Variants in BANK1 observed in about 807,000 individuals in gnomAD.
BANK1 encodes the protein B-cell scaffold protein with ankyrin repeats.
BANK1 carries 95 observed loss-of-function variants against 94.5 expected under a neutral mutation model. The ratio of observed to expected loss-of-function variants is 1.00; its 90% CI spans 0.85 to 1.19. BANK1 has a LOEUF of 1.19. Ranked by LOEUF, BANK1 falls within the 50% of genes most tolerant of loss-of-function variation. BANK1 has a pLI of 0.00. For synonymous variants in BANK1, 334 were observed against 308.4 expected (o/e 1.08, Z -0.87); for missense variants, 987 against 932.2 (o/e 1.06, Z -0.77).
chr4:101,861,841 C>G (rs867489319), intron 3 of BANK1, among the ~76,000 whole-genome samples: 7 of 151,980 alleles, frequency 4.6e-5, no homozygotes, highest in African/African-American at 1.4e-4. Context: ...TCTTTCATTC[C>G]TAGTATTTTT....
chr4:101,914,290 T>A (rs1722757540), intron 6 of BANK1, among the ~76,000 whole-genome samples: 1 of 152,064 alleles, frequency 6.6e-6, no homozygotes, highest in Admixed American at 6.6e-5. Context: ...TAGACTTGAA[T>A]GGTCACAGTT....
chr4:101,816,373 G>A (rs546109881), intron 1 of BANK1, among the ~76,000 whole-genome samples: 2 of 152,126 alleles, frequency 1.3e-5, no homozygotes, highest in Non-Finnish European at 2.9e-5. Context: ...GTTCAATGTA[G>A]TTCCATCCAT....
chr4:101,975,758 T>C (rs1431248897), intron 7 of BANK1, among the ~76,000 whole-genome samples: 1 of 152,168 alleles, frequency 6.6e-6, no homozygotes, highest in Non-Finnish European at 1.5e-5. Flanking sequence ...CTGTTTCTGC[T>C]CTTTATCCTT....
intron 1 of BANK1, among the ~76,000 whole-genome samples, chr4:101,809,185 T>C (rs76643999): frequency 0.069 from 10,543 of 152,196 alleles, 1,176 homozygotes; most frequent in African/African-American, 0.24. Flanking sequence ...AATGAAATAA[T>C]GGCCTTTCCA....
In BANK1 at chr4:101,855,098, T is replaced by C; in HGVS notation, c.533T>C (p.Ile178Thr). 2 of 1,613,356 alleles carry C rather than the reference T, an allele frequency of 1.2e-6. No homozygotes were observed. Among genetic ancestry groups the C allele is most frequent in the Non-Finnish European group, 1.7e-6 (2 of 1,179,452 alleles). ...CTACGAGCAAAACATTCTGGGGAAATAAGTGAGAGAAAGGAAATTGAAGAA... is the reference window on the plus strand; with the variant it reads ...CTACGAGCAAAACATTCTGGGGAAACAAGTGAGAGAAAGGAAATTGAAGAA... ...TDLRAKHSGEISERKEIEELS... is the reference protein window; with the variant it reads ...TDLRAKHSGETSERKEIEELS... Residue 178 changes from isoleucine to threonine, a missense_variant, in exon 3 of 17, where the codon ATA becomes ACA. Ile to Thr is a moderately conservative substitution (Grantham distance 89, BLOSUM62 -1). Transcript: ENST00000322953.
At chr4:101,932,507 A>G (rs1235805386) in intron 7 of BANK1, among the ~76,000 whole-genome samples, 1 of 151,486 alleles carries the variant, frequency 6.6e-6, no homozygotes, top group Non-Finnish European at 1.5e-5. Flanking sequence ...AATTGGTAGT[A>G]TGTCAGAAAA....
intron 7 of BANK1, among the ~76,000 whole-genome samples, chr4:101,987,230 A>G (rs910021372): frequency 5.3e-5 from 8 of 151,936 alleles, no homozygotes; most frequent in African/African-American, 1.9e-4. Context: ...AGTCCAGTTA[A>G]TTATAGAAAA....
At chr4:101,914,131 A>G (rs1722753674) in intron 6 of BANK1, among the ~76,000 whole-genome samples, 1 of 152,194 alleles carries the variant, frequency 6.6e-6, no homozygotes, top group Non-Finnish European at 1.5e-5. Flanking sequence ...GACAATAAGA[A>G]TAAACAACAG....
At chr4:102,013,641 C>T (rs1424357658) in intron 7 of BANK1, among the ~76,000 whole-genome samples, 1 of 151,872 alleles carries the variant, frequency 6.6e-6, no homozygotes, top group Non-Finnish European at 1.5e-5. Context: ...TGATTTCTCG[C>T]ACCTGAAAAT....
intron 2 of BANK1, among the ~76,000 whole-genome samples, chr4:101,848,380 A>G (rs766441942): frequency 6.6e-6 from 1 of 152,130 alleles, no homozygotes; most frequent in Non-Finnish European, 1.5e-5. Context: ...CCTGTCCGCC[A>G]TGATCTCCGG....
At chr4:101,908,796 A>T (rs1191769741) in intron 6 of BANK1, among the ~76,000 whole-genome samples, 1 of 152,282 alleles carries the variant, frequency 6.6e-6, no homozygotes, top group East Asian at 1.9e-4. Flanking sequence ...GCCAACAGAC[A>T]CATGAGAAAA....
intron 7 of BANK1, among the ~76,000 whole-genome samples, chr4:101,964,224 G>A (rs945240415): frequency 6.6e-6 from 1 of 152,042 alleles, no homozygotes; most frequent in Non-Finnish European, 1.5e-5. Context: ...TATTAATAAT[G>A]GATGGACTAA....
rs1169060269 is a variant in BANK1 at position 102,042,831 on chromosome 4, C to T, written c.1901-1008C>T. Among the ~76,000 whole-genome samples, 3 of 152,074 alleles carry T rather than the reference C, an allele frequency of 2.0e-5. 1 individual carries two copies. The East Asian group carries it at 5.8e-4, about 29-fold the overall frequency. On this transcript the variant is annotated intron_variant, in intron 10 of 16. Transcript: ENST00000322953. ...CCCTTTTAATCCTCTCCCTCTATCTCCTTCTTTACCTTTATAAGATAATAG... is the reference window on the plus strand; with the variant it reads ...CCCTTTTAATCCTCTCCCTCTATCTTCTTCTTTACCTTTATAAGATAATAG...
At chr4:102,029,160 T>C (rs930147682) in intron 9 of BANK1, among the ~76,000 whole-genome samples, 3 of 152,234 alleles carry the variant, frequency 2.0e-5, no homozygotes, top group Non-Finnish European at 2.9e-5. Flanking sequence ...TCCCAAAGCA[T>C]TGGGATTAGG....
rs201776580 is a variant in BANK1 at position 101,986,871 on chromosome 4, G to GTATATATATGTATATA, written c.1207-34640_1207-34639insATATATGTATATATAT. Among the ~76,000 whole-genome samples the GTATATATATGTATATA allele has an allele frequency of 1.0e-3, 51 of 49,704 alleles. 1 individual carries two copies. Among genetic ancestry groups the GTATATATATGTATATA allele is most frequent in the African/African-American group, 3.9e-3 (45 of 11,432 alleles). The allele number at this position is 49,704 out of a possible 152,430, so 32.6% of individuals were successfully genotyped here. A position where few individuals can be genotyped will look rare whatever the true frequency, so the allele number is the denominator to read the frequency against. On this transcript the variant is annotated intron_variant, in intron 7 of 16. Transcript: ENST00000322953. ...TATATATATGTATATATATATGTGT[G>GTATATATATGTATATA]TATGTGTGTGTGTGTGTGTGTGTGT...
intron 2 of BANK1, among the ~76,000 whole-genome samples, chr4:101,838,388 A>G (rs1360764644): frequency 6.6e-6 from 1 of 152,220 alleles, no homozygotes; most frequent in East Asian, 1.9e-4. Context: ...GTTATTAACA[A>G]CTTAGAAGTT....
chr4:101,842,099 A>C (rs1727070059), intron 2 of BANK1, among the ~76,000 whole-genome samples: 1 of 152,206 alleles, frequency 6.6e-6, no homozygotes, highest in African/African-American at 2.4e-5. Context: ...GTCTCAAATA[A>C]TATCTCCTCA....
At chr4:101,956,727 A>G (rs993317438) in intron 7 of BANK1, among the ~76,000 whole-genome samples, 5 of 152,268 alleles carry the variant, frequency 3.3e-5, no homozygotes, top group South Asian at 2.1e-4. Context: ...CCAATGTAGA[A>G]CAAAGAGAAT....
intron 7 of BANK1, among the ~76,000 whole-genome samples, chr4:101,940,500 C>T (rs189994501): frequency 6.6e-6 from 1 of 151,606 alleles, no homozygotes; most frequent in African/African-American, 2.4e-5. Flanking sequence ...TACCTATGTC[C>T]TTTTTCTGTT....
Sources: gnomAD v4.1 joint callset for allele counts (sites outside exome capture counted in the v4.1 genomes callset) on GRCh38, gnomAD v4.1.1 for gene constraint, MANE v1.5 for transcripts, NCBI Gene and HGNC (gene_info 2026-07-23, HGNC 2026-07-21) for gene names.